The following AGO2 variants were observed in gnomAD, a reference collection of about 807,000 sequenced individuals.
AGO2 encodes the protein protein argonaute-2.
A neutral mutation model predicts 102.3 loss-of-function variants in AGO2; 5 were observed. The ratio of observed to expected loss-of-function variants is 0.05; its 90% CI spans 0.03 to 0.10. AGO2 has a LOEUF of 0.10. Ranked by LOEUF, AGO2 falls within the 10% of genes least tolerant of loss-of-function variation. The pLI is 1.00. For missense variants in AGO2, 541 were observed against 1,183.7 expected (o/e 0.46, Z 7.97); for synonymous variants, 449 against 473.1 (o/e 0.95, Z 0.66).
intron 2 of AGO2, among the ~76,000 whole-genome samples, chr8:140,577,085 G>A (rs915223730): frequency 2.0e-5 from 3 of 151,798 alleles, no homozygotes; most frequent in African/African-American, 7.3e-5. Flanking sequence ...GCGGGCACCT[G>A]TAGTCCCAGC....
intron 3 of AGO2, among the ~76,000 whole-genome samples, chr8:140,564,847 C>A (rs936695042): frequency 7.9e-5 from 12 of 152,084 alleles, no homozygotes; most frequent in Non-Finnish European, 5.9e-5. Context: ...TAAAAAGGAA[C>A]AAGACCAGCT....
intron 1 of AGO2, among the ~76,000 whole-genome samples, chr8:140,597,668 G>A (rs928970598): frequency 2.6e-5 from 4 of 150,980 alleles, no homozygotes; most frequent in African/African-American, 9.9e-5. Context: ...TAGCTTCTGA[G>A]GCCTAATTTT....
At chr8:140,605,170 C>G (rs1229441134) in intron 1 of AGO2, among the ~76,000 whole-genome samples, 1 of 152,176 alleles carries the variant, frequency 6.6e-6, no homozygotes, top group African/African-American at 2.4e-5. Flanking sequence ...TCTCAGCTGC[C>G]TGCAACTTCC....
At chr8:140,612,709 G>A (rs981943527) in intron 1 of AGO2, among the ~76,000 whole-genome samples, 1 of 151,890 alleles carries the variant, frequency 6.6e-6, no homozygotes, top group African/African-American at 2.4e-5. Flanking sequence ...CCGAGACTGC[G>A]CCACTGCACT....
intron 1 of AGO2, among the ~76,000 whole-genome samples, chr8:140,625,468 C>G (rs1384460731): frequency 6.6e-6 from 1 of 152,188 alleles, no homozygotes; most frequent in Non-Finnish European, 1.5e-5. Flanking sequence ...TCCCCAGCCC[C>G]AGCCCCTGAC....
chr8:140,594,680 C>A (rs1359374974), intron 1 of AGO2, among the ~76,000 whole-genome samples: 2 of 151,906 alleles, frequency 1.3e-5, no homozygotes, highest in African/African-American at 2.4e-5. Flanking sequence ...GGTGGCATGC[C>A]TCTGTAGTCC....
At chr8:140,595,667 A>T (rs2073817249) in intron 1 of AGO2, among the ~76,000 whole-genome samples, 1 of 134,530 alleles carries the variant, frequency 7.4e-6, no homozygotes, top group Admixed American at 8.1e-5. Flanking sequence ...TATATATATT[A>T]TATATATAGC....
chr8:140,636,655 T>C (rs904852010), upstream of AGO2: 1 of 152,116 alleles, frequency 6.6e-6, no homozygotes, highest in Non-Finnish European at 1.5e-5. Flanking sequence ...GGGTGGTCAC[T>C]AGTTCTCTGC....
intron 3 of AGO2, among the ~76,000 whole-genome samples, chr8:140,568,103 CAA>C (rs553804959): frequency 0.19 from 21,167 of 110,430 alleles, 1,781 homozygotes; most frequent in African/African-American, 0.31. Context: ...ACTAAAAATA[CAA>C]AAAAAAAAAA....
intron 1 of AGO2, among the ~76,000 whole-genome samples, chr8:140,614,089 A>G (rs2074112641): frequency 6.6e-6 from 1 of 150,700 alleles, no homozygotes; most frequent in Admixed American, 6.7e-5. Flanking sequence ...TTGGGAGGCC[A>G]AGGCGGGCGG....
chr8:140,556,311 C>A (rs917512074), intron 8 of AGO2, 25 bp from the exon 9 acceptor site: 2 of 1,612,376 alleles, frequency 1.2e-6, no homozygotes, highest in Non-Finnish European at 1.7e-6. Flanking sequence ...TAGAGACAGG[C>A]CGTCAGTGCC....
chr8:140,557,063 A>G lies in AGO2; in HGVS notation c.1026+26T>C. ...GGACGCCGCCCTCCCAAGCCCCCAG[A>G]GACACACAGGAAGAGGGTGACTTGC... On this transcript the variant is annotated intron_variant, in intron 8 of 18. Transcript: ENST00000220592. This position sits in a 1 kb window ranked among gnomAD's most constrained non-coding sequence, Gnocchi z 5.9. 1 of 1,602,486 alleles carries G rather than the reference A, an allele frequency of 6.2e-7. No homozygotes were observed. Among genetic ancestry groups the G allele is most frequent in the South Asian group, 1.1e-5 (1 of 89,638 alleles).
chr8:140,577,172 C>T (rs1040846387), intron 2 of AGO2, among the ~76,000 whole-genome samples: 2 of 140,820 alleles, frequency 1.4e-5, no homozygotes, highest in African/African-American at 5.3e-5. Context: ...CACATCACTG[C>T]ACTCCAGCCT....
At chr8:140,577,207 CAAAAA>C (rs10661844) in intron 2 of AGO2, among the ~76,000 whole-genome samples, 3 of 70,752 alleles carry the variant, frequency 4.2e-5, no homozygotes, top group African/African-American at 6.3e-5. Flanking sequence ...GACTCCATCT[CAAAAA>C]AAAAAAAAAA....
At chr8:140,541,923 A>G (rs1359969366) in intron 14 of AGO2, among the ~76,000 whole-genome samples, 1 of 152,102 alleles carries the variant, frequency 6.6e-6, no homozygotes, top group Non-Finnish European at 1.5e-5. Context: ...CAAAAACAAA[A>G]ACAGAAAAAC....
chr8:140,544,178 C>A, intron 14 of AGO2, 35 bp downstream of exon 14: 1 of 1,548,112 alleles, frequency 6.5e-7, no homozygotes, highest in South Asian at 1.2e-5. Flanking sequence ...TGCATGTTGT[C>A]AATGGAAGAC....
chr8:140,559,284 C>T, intron 6 of AGO2, 111 bp downstream of exon 6: 1 of 1,385,838 alleles, frequency 7.2e-7, no homozygotes, highest in Non-Finnish European at 9.9e-7. Flanking sequence ...ATTCTGCCAC[C>T]CCCACCTCCC....
At chr8:140,562,690 C>A in intron 3 of AGO2, 56 bp from the exon 4 acceptor site, 1 of 1,566,866 alleles carries the variant, frequency 6.4e-7, no homozygotes, top group South Asian at 1.2e-5. Flanking sequence ...CCAGGGAGGA[C>A]GCAGCCTGGC....
intron 2 of AGO2, among the ~76,000 whole-genome samples, chr8:140,575,734 A>G (rs914217589): frequency 1.3e-5 from 2 of 152,248 alleles, no homozygotes; most frequent in African/African-American, 4.8e-5. Flanking sequence ...AGCTGAATCT[A>G]GCAACATGTT....
Sources: allele counts gnomAD v4.1 joint callset (sites outside exome capture counted in the v4.1 genomes callset), GRCh38; gene constraint gnomAD v4.1.1; non-coding constraint Gnocchi (gnomAD v3.1); transcripts MANE v1.5; gene names NCBI Gene and HGNC (gene_info 2026-07-23, HGNC 2026-07-21).